The following JARID2 variants were observed in gnomAD, a reference collection of about 807,000 sequenced individuals.
JARID2 encodes the protein jumonji and AT-rich interaction domain containing 2.
JARID2 carries 21 observed loss-of-function variants against 125.6 expected under a neutral mutation model. The observed-to-expected ratio is 0.17, with a 90% confidence interval of 0.12 to 0.24. JARID2 has a LOEUF of 0.24. JARID2 is among the 10% of genes least tolerant of loss of function. The pLI is 1.00. For missense variants in JARID2, 1,303 were observed against 1,639.6 expected, an observed-to-expected ratio of 0.79 and a Z score of 3.55; for synonymous variants, 736 against 661.6, an observed-to-expected ratio of 1.11 and a Z score of -1.73.
At chr6:15,247,319 A>G in intron 1 of JARID2, 3 of 594,132 alleles carry the variant, frequency 5.0e-6, no homozygotes, top group Non-Finnish European at 6.3e-6. Flanking sequence ...AAATTGGGTG[A>G]TTATTCCTAG....
chr6:15,319,602 C>T (rs1348957123), intron 1 of JARID2, among the ~76,000 whole-genome samples: 1 of 152,094 alleles, frequency 6.6e-6, no homozygotes, highest in African/African-American at 2.4e-5. Flanking sequence ...GACGGGGTTT[C>T]ACCATGTTTG....
chr6:15,516,718 G>A (rs1263348501), intron 16 of JARID2, among the ~76,000 whole-genome samples: 2 of 152,230 alleles, frequency 1.3e-5, no homozygotes, highest in African/African-American at 4.8e-5. Context: ...GGCCGCCTAA[G>A]TTGGAGTCCT....
intron 7 of JARID2, among the ~76,000 whole-genome samples, chr6:15,498,863 G>A (rs1033607688): frequency 6.6e-6 from 1 of 152,246 alleles, no homozygotes; most frequent in Non-Finnish European, 1.5e-5. Context: ...GACACAGGAT[G>A]ACTGAGTCAG....
chr6:15,334,603 G>A (rs138129693), intron 1 of JARID2, among the ~76,000 whole-genome samples: 17 of 152,172 alleles, frequency 1.1e-4, no homozygotes, highest in East Asian at 3.9e-4. Context: ...TTTCCATTGC[G>A]CTTTGGGGTA....
intron 1 of JARID2, among the ~76,000 whole-genome samples, chr6:15,258,522 A>G (rs978206950): frequency 2.6e-5 from 4 of 152,172 alleles, no homozygotes; most frequent in African/African-American, 9.7e-5. Flanking sequence ...GGTGGCTCAC[A>G]CCTGTAATCC....
intron 5 of JARID2, among the ~76,000 whole-genome samples, chr6:15,473,665 T>G (rs1454267215): frequency 6.6e-6 from 1 of 152,084 alleles, no homozygotes; most frequent in Non-Finnish European, 1.5e-5. Context: ...TTGTTGTCCC[T>G]TTGTAGGCAT....
chr6:15,437,939 G>A (rs1767281437), intron 3 of JARID2, among the ~76,000 whole-genome samples: 1 of 152,188 alleles, frequency 6.6e-6, no homozygotes, highest in South Asian at 2.1e-4. Context: ...GGAAAGGTAA[G>A]TGGGCCCTTA....
At chr6:15,265,745 G>C (rs1282864836) in intron 1 of JARID2, among the ~76,000 whole-genome samples, 1 of 152,134 alleles carries the variant, frequency 6.6e-6, no homozygotes, top group African/African-American at 2.4e-5. Flanking sequence ...GATGAGCCCG[G>C]GCAGCATGTT....
chr6:15,434,451 G>A (rs1767117217), intron 3 of JARID2, among the ~76,000 whole-genome samples: 1 of 152,158 alleles, frequency 6.6e-6, no homozygotes, highest in Non-Finnish European at 1.5e-5. Flanking sequence ...GGCAAATAGG[G>A]TCAGCTGTCA....
intron 2 of JARID2, among the ~76,000 whole-genome samples, chr6:15,388,299 T>C (rs976778843): frequency 6.6e-6 from 1 of 152,166 alleles, no homozygotes; most frequent in Non-Finnish European, 1.5e-5. Flanking sequence ...TAGAGTCCTG[T>C]ATGGTATATC....
intron 2 of JARID2, among the ~76,000 whole-genome samples, chr6:15,388,300 A>G (rs1030112307): frequency 1.3e-5 from 2 of 152,102 alleles, no homozygotes; most frequent in African/African-American, 4.8e-5. Flanking sequence ...AGAGTCCTGT[A>G]TGGTATATCT....
intron 2 of JARID2, among the ~76,000 whole-genome samples, chr6:15,383,412 T>C (rs1764666398): frequency 6.6e-6 from 1 of 152,016 alleles, no homozygotes; most frequent in Non-Finnish European, 1.5e-5. Flanking sequence ...AAATTATCCC[T>C]CCTTCATCAT....
chr6:15,466,174 G>T (rs1032406539), intron 4 of JARID2, among the ~76,000 whole-genome samples: 2 of 152,320 alleles, frequency 1.3e-5, no homozygotes, highest in South Asian at 4.1e-4. Context: ...CAACAGAGGG[G>T]AGAGAGGAAG....
chr6:15,353,790 C>T (rs764773124), intron 1 of JARID2, among the ~76,000 whole-genome samples: 10 of 152,036 alleles, frequency 6.6e-5, no homozygotes, highest in South Asian at 4.1e-4. Flanking sequence ...TCTAGGGAAA[C>T]GTAACAGAGA....
chr6:15,402,793 G>A (rs983042494), intron 2 of JARID2, among the ~76,000 whole-genome samples: 1 of 152,044 alleles, frequency 6.6e-6, no homozygotes, highest in African/African-American at 2.4e-5. Flanking sequence ...CATATCCTAG[G>A]GGATTCCAGG....
intron 1 of JARID2, among the ~76,000 whole-genome samples, chr6:15,323,400 C>T (rs183056863): frequency 7.2e-5 from 11 of 152,248 alleles, no homozygotes; most frequent in Non-Finnish European, 7.4e-5. Context: ...CTTGGCCTAG[C>T]GTCTTCATAG....
At chr6:15,489,802 A>G (rs1770060381) in intron 6 of JARID2, among the ~76,000 whole-genome samples, 1 of 152,174 alleles carries the variant, frequency 6.6e-6, no homozygotes, top group Non-Finnish European at 1.5e-5. Flanking sequence ...AGGGAGCGCC[A>G]TGTGCTCATG....
In JARID2 at chr6:15,248,138, G is replaced by A. The variant is rs918721028; in HGVS notation, c.45+1554G>A. 3.1e-6 allele frequency: 3 copies of A among 963,668 alleles called. No homozygotes were observed. In the African/African-American group the frequency reaches 5.3e-5, roughly 17 times the overall value. The allele number at this position is 963,668 out of a possible 1,614,324, so 59.7% of individuals were successfully genotyped here. A position where few individuals can be genotyped will look rare whatever the true frequency, so the allele number is the denominator to read the frequency against. On this transcript the variant is annotated intron_variant, in intron 1 of 17. Coordinates refer to ENST00000341776, the MANE Select transcript of JARID2 (RefSeq NM_004973.4). Reference sequence around the variant, plus strand: ...GCGTCCGGCTGCAAGCCCGTGGCTGGCGGCGGCTGCGGGAGGCACGGCACG... The same window carrying A: ...GCGTCCGGCTGCAAGCCCGTGGCTGACGGCGGCTGCGGGAGGCACGGCACG...
At chr6:15,280,693 A>G (rs4715971) in intron 1 of JARID2, among the ~76,000 whole-genome samples, 37 of 144,598 alleles carry the variant, frequency 2.6e-4, no homozygotes, top group Non-Finnish European at 4.3e-4. Flanking sequence ...CAGCGATGTG[A>G]TCTAGGCTCA....
Sources: gnomAD v4.1 joint callset for allele counts (sites outside exome capture counted in the v4.1 genomes callset) on GRCh38, gnomAD v4.1.1 for gene constraint, MANE v1.5 for transcripts, NCBI Gene and HGNC (gene_info 2026-07-23, HGNC 2026-07-21) for gene names.